The following RAPGEF6 variants were observed in gnomAD, a reference collection of about 807,000 sequenced individuals.
The protein encoded by RAPGEF6 is PDZ domain containing guanine nucleotide exchange factor (GEF) 2.
A neutral mutation model predicts 171.4 loss-of-function variants in RAPGEF6; 56 were observed. The ratio of observed to expected loss-of-function variants is 0.33; its 90% CI spans 0.26 to 0.41. The LOEUF (loss-of-function observed/expected upper bound fraction) is 0.41, where lower values mean the gene tolerates loss of function less well. Among genes scored for constraint, RAPGEF6 ranks in the 10% least tolerant of loss-of-function variants. The pLI, the probability that RAPGEF6 is intolerant of heterozygous loss-of-function variation, is 1.00. For missense variants in RAPGEF6, 1,674 were observed against 1,921.4 expected, an observed-to-expected ratio of 0.87 and a Z score of 2.41; for synonymous variants, 692 against 650.1, an observed-to-expected ratio of 1.06 and a Z score of -0.98.
intron 5 of RAPGEF6, among the ~76,000 whole-genome samples, chr5:131,558,582 G>A (rs923679440): frequency 6.9e-4 from 105 of 152,138 alleles, no homozygotes; most frequent in African/African-American, 2.4e-3. Context: ...GTCAGCCTTT[G>A]CTCTTATAGC....
At chr5:131,631,940 T>C (rs1482968357) in intron 1 of RAPGEF6, among the ~76,000 whole-genome samples, 1 of 151,660 alleles carries the variant, frequency 6.6e-6, no homozygotes, top group Non-Finnish European at 1.5e-5. Context: ...GCCGGGCGTG[T>C]TGGCACACAC....
In RAPGEF6 at chr5:131,635,106, G is replaced by T; in HGVS notation, c.-76C>A. The T allele has an allele frequency of 7.0e-7, 1 of 1,420,492 alleles. No homozygotes were observed. The highest frequency in any genetic ancestry group is 9.4e-7 in the Non-Finnish European group (1 of 1,060,680). The allele number at this position is 1,420,492 out of a possible 1,614,324, so 88.0% of individuals were successfully genotyped here. On this transcript the variant is annotated 5_prime_UTR_variant, in exon 1 of 28. Coordinates refer to ENST00000509018, the MANE Select transcript of RAPGEF6 (RefSeq NM_016340.6). ...TTCATTCACACTAGGTAGCGGGTGC[G>T]GTACCTTTCCCCCGCCCCAAGGAGG...
At chr5:131,620,327 T>G (rs1299855020) in intron 1 of RAPGEF6, among the ~76,000 whole-genome samples, 1 of 152,160 alleles carries the variant, frequency 6.6e-6, no homozygotes, top group Non-Finnish European at 1.5e-5. Context: ...AGCCCAAAGC[T>G]CTCCACTAAA....
In RAPGEF6 at chr5:131,433,979, T is replaced by C. The variant is rs956161405; in HGVS notation, c.3746-321A>G. On this transcript the variant is annotated intron_variant, in intron 24 of 27. Transcript: ENST00000509018. ...CCACAGCTATAATCATTTAATAAAA[T>C]AAGAAGATTACAAATATTAATAAGT... Among the ~76,000 whole-genome samples, 10 of 152,184 alleles carry C rather than the reference T, an allele frequency of 6.6e-5. 1 individual carries two copies. The highest frequency in any genetic ancestry group is 4.6e-4 in the Admixed American group (7 of 15,270).
intron 6 of RAPGEF6, among the ~76,000 whole-genome samples, chr5:131,544,174 A>C (rs533597883): frequency 3.4e-4 from 52 of 152,348 alleles, no homozygotes; most frequent in Admixed American, 3.2e-3. Flanking sequence ...TACATTTGCC[A>C]TATGACCAGT....
chr5:131,428,755 C>A (rs1190135474), intron 27 of RAPGEF6, 147 bp downstream of exon 27: 3 of 902,174 alleles, frequency 3.3e-6, no homozygotes, highest in African/African-American at 1.7e-5. Context: ...AGCCACTGCA[C>A]CCTGCCGGCA....
At chr5:131,510,693 G>A (rs1370229016) in intron 7 of RAPGEF6, among the ~76,000 whole-genome samples, 2 of 152,208 alleles carry the variant, frequency 1.3e-5, no homozygotes, top group African/African-American at 4.8e-5. Context: ...TTTCCACAGT[G>A]TGACAACTAG....
At chr5:131,497,492 C>T (rs1756713697) in intron 12 of RAPGEF6, among the ~76,000 whole-genome samples, 1 of 152,166 alleles carries the variant, frequency 6.6e-6, no homozygotes, top group African/African-American at 2.4e-5. Flanking sequence ...ATAGTTTTAG[C>T]TCTTCTGTCT....
chr5:131,451,231 C>T (rs191703628), intron 21 of RAPGEF6, among the ~76,000 whole-genome samples: 2 of 152,250 alleles, frequency 1.3e-5, no homozygotes, highest in East Asian at 3.9e-4. Context: ...CTCTCCCTTC[C>T]TTCCATGCTT....
In RAPGEF6 at chr5:131,504,767, T is replaced by C; in HGVS notation, c.1113A>G (p.Ile371Met). 1.2e-6 allele frequency: 2 copies of C among 1,611,826 alleles called. No homozygotes were observed. The highest frequency in any genetic ancestry group is 1.7e-6 in the Non-Finnish European group (2 of 1,178,996). ...AAATTCTCCAATAATCTTGCTGGGC[T>C]ATGCAGACAAACTGTCCAAGAACAA... ...TKVDDCQFVCIAQQDYWRILN... is the reference protein window; with the variant it reads ...TKVDDCQFVCMAQQDYWRILN... Residue 371 changes from isoleucine to methionine, a missense_variant, in exon 11 of 28, where the codon ATA (isoleucine) becomes ATG (methionine). Physicochemically the swap from Ile to Met is conservative, Grantham distance 10. Transcript: ENST00000509018.
chr5:131,428,856 G>C, intron 27 of RAPGEF6, 46 bp downstream of exon 27: 1 of 1,526,706 alleles, frequency 6.6e-7, no homozygotes, highest in Non-Finnish European at 9.0e-7. Flanking sequence ...CATTTAATGT[G>C]TTCAGCAATT....
chr5:131,605,398 C>A (rs775265781), intron 1 of RAPGEF6, among the ~76,000 whole-genome samples: 1 of 152,106 alleles, frequency 6.6e-6, no homozygotes, highest in African/African-American at 2.4e-5. Flanking sequence ...AGACAAGCTA[C>A]GAGCTGATGG....
chr5:131,535,236 A>G lies in RAPGEF6; in HGVS notation c.495+12811T>C, dbSNP rs114434028. 4.5e-3 allele frequency among the ~76,000 whole-genome samples: 689 copies of G among 152,290 alleles called. 6 individuals are homozygous for G. The highest frequency in any genetic ancestry group is 0.016 in the African/African-American group (650 of 41,560). ...ATCATGCTAAATCTCCCTGTGTAACAATACTAAGAAAAGAAACAGGCCAAA... is the reference window on the plus strand; with the variant it reads ...ATCATGCTAAATCTCCCTGTGTAACGATACTAAGAAAAGAAACAGGCCAAA... On this transcript the variant is annotated intron_variant, in intron 6 of 27. Coordinates refer to ENST00000509018, the MANE Select transcript of RAPGEF6 (RefSeq NM_016340.6).
intron 7 of RAPGEF6, among the ~76,000 whole-genome samples, chr5:131,517,270 A>G (rs1045128116): frequency 6.6e-6 from 1 of 152,082 alleles, no homozygotes; most frequent in East Asian, 1.9e-4. Flanking sequence ...TCTAAAATAA[A>G]AGTTGAAATT....
At chr5:131,481,526 C>T (rs1156908886) in intron 15 of RAPGEF6, among the ~76,000 whole-genome samples, 8 of 152,110 alleles carry the variant, frequency 5.3e-5, no homozygotes, top group East Asian at 3.8e-4. Context: ...CCACCGTGCC[C>T]GGCCTCAGAT....
Position 131,479,654 on chromosome 5 carries a change from T to C in RAPGEF6, c.1940A>G (p.His647Arg), listed in dbSNP as rs1453511321. The change falls in exon 16 of 28, where the codon CAT becomes CGT. Residue 647 changes from histidine to arginine, a missense_variant. Around this residue, in one of 3 missense-constraint regions of RAPGEF6, gnomAD observed 1,116 missense variants for 1,321.5 expected, o/e 0.84. Coordinates refer to ENST00000509018, the MANE Select transcript of RAPGEF6 (RefSeq NM_016340.6). ...TGTCTGTTCAATATCTCCTGGCACATGCTGGATAGAATGGCGATTACTTTT... is the reference window on the plus strand; with the variant it reads ...TGTCTGTTCAATATCTCCTGGCACACGCTGGATAGAATGGCGATTACTTTT... Reference protein sequence around the residue: ...EKKSNRHSIQHVPGDIEQTSQ... With the variant: ...EKKSNRHSIQRVPGDIEQTSQ... The C allele has an allele frequency of 1.2e-6, 2 of 1,613,984 alleles. No individual in the cohort carries two copies. The highest frequency in any genetic ancestry group is 2.2e-5 in the East Asian group (1 of 44,872).
At chr5:131,522,173 CAAAAAG>C in intron 6 of RAPGEF6, among the ~76,000 whole-genome samples, 1 of 152,160 alleles carries the variant, frequency 6.6e-6, no homozygotes. Context: ...ACAAGAAACA[CAAAAAG>C]TAAATGACTC....
intron 16 of RAPGEF6, among the ~76,000 whole-genome samples, chr5:131,473,081 A>G (rs1171474894): frequency 6.6e-6 from 1 of 152,236 alleles, no homozygotes; most frequent in Non-Finnish European, 1.5e-5. Flanking sequence ...GGACACTAAT[A>G]CATGTATCCA....
intron 1 of RAPGEF6, among the ~76,000 whole-genome samples, chr5:131,634,016 T>C (rs987075579): frequency 2.0e-5 from 3 of 152,212 alleles, no homozygotes; most frequent in Admixed American, 1.3e-4. Context: ...ATGGCTTCCG[T>C]TGTGACCTGA....
Sources: allele counts gnomAD v4.1 joint callset (sites outside exome capture counted in the v4.1 genomes callset), GRCh38; gene constraint gnomAD v4.1.1; regional missense constraint gnomAD v4.1.1; transcripts MANE v1.5; gene names NCBI Gene and HGNC (gene_info 2026-07-23, HGNC 2026-07-21).